CNTNAP2: variants seen among roughly 807,000 people sequenced by gnomAD.
CNTNAP2 encodes the protein contactin-associated protein-like 2.
A neutral mutation model predicts 155.2 loss-of-function variants in CNTNAP2; 98 were observed. That is an observed-to-expected ratio of 0.63 (90% CI 0.54 to 0.75). CNTNAP2 has a LOEUF of 0.75. Among genes scored for constraint, CNTNAP2 ranks in the 30% least tolerant of loss-of-function variants. The probability of loss-of-function intolerance (pLI) is 0.00; values close to 1 mark genes in which losing one functional copy is unlikely to be tolerated. For synonymous variants in CNTNAP2, 651 were observed against 631.2 expected (o/e 1.03, Z -0.47); for missense variants, 1,727 against 1,688.1 (o/e 1.02, Z -0.40).
chr7:146,287,462 CAT>C (rs1351823975), intron 1 of CNTNAP2, among the ~76,000 whole-genome samples: 2 of 152,160 alleles, frequency 1.3e-5, no homozygotes, highest in African/African-American at 2.4e-5. Context: ...GTTTTGAAGA[CAT>C]ATTATGATTT....
At chr7:147,150,748 C>G (rs144410699) in intron 8 of CNTNAP2, among the ~76,000 whole-genome samples, 284 of 152,236 alleles carry the variant, frequency 1.9e-3, no homozygotes, top group African/African-American at 6.5e-3. Flanking sequence ...TATGAGAAAT[C>G]TGCTCAAAAT....
intron 1 of CNTNAP2, among the ~76,000 whole-genome samples, chr7:146,500,277 T>C (rs1347254889): frequency 6.6e-6 from 1 of 152,186 alleles, no homozygotes; most frequent in Non-Finnish European, 1.5e-5. Context: ...GAAAGCCAAT[T>C]ACTGAGATGA....
At chr7:148,165,231 T>C (rs955118871) in intron 17 of CNTNAP2, among the ~76,000 whole-genome samples, 10 of 152,212 alleles carry the variant, frequency 6.6e-5, no homozygotes, top group African/African-American at 2.2e-4. Context: ...CTTCACTTGA[T>C]CTTTTCTCTG....
chr7:147,608,608 T>C (rs1398065027), intron 12 of CNTNAP2, among the ~76,000 whole-genome samples: 1 of 152,138 alleles, frequency 6.6e-6, no homozygotes, highest in Non-Finnish European at 1.5e-5. Flanking sequence ...GGCCATCAAC[T>C]ACATTTCAAA....
At chr7:146,685,907 A>G (rs1372262607) in intron 1 of CNTNAP2, among the ~76,000 whole-genome samples, 1 of 152,182 alleles carries the variant, frequency 6.6e-6, no homozygotes, top group African/African-American at 2.4e-5. Flanking sequence ...TTATGTGTTC[A>G]ATGGTAGTAT....
intron 1 of CNTNAP2, among the ~76,000 whole-genome samples, chr7:146,183,697 C>T (rs916704032): frequency 4.6e-5 from 7 of 151,830 alleles, no homozygotes. Context: ...GCACAAAGTC[C>T]CAAATTTATA....
Position 147,709,898 on chromosome 7 carries a change from T to C in CNTNAP2, c.2098+70592T>C, listed in dbSNP as rs201467718. ...ATTTTAGTTGCTTATTTTTTTCTTT[T>C]GCTCCTTTATGTCCAACTAGTTACT... On this transcript the variant is annotated intron_variant, in intron 13 of 23. Coordinates refer to ENST00000361727, the MANE Select transcript of CNTNAP2 (RefSeq NM_014141.6). Among the ~76,000 whole-genome samples, 12 of 152,302 alleles carry C rather than the reference T, an allele frequency of 7.9e-5. No homozygotes were observed. The East Asian group carries it at 2.3e-3, about 29-fold the overall frequency.
chr7:147,025,637 T>C (rs952263266), intron 3 of CNTNAP2, among the ~76,000 whole-genome samples: 1 of 151,768 alleles, frequency 6.6e-6, no homozygotes, highest in Non-Finnish European at 1.5e-5. Context: ...GGGATACATA[T>C]CCAAACTGTA....
chr7:147,710,184 T>C (rs768694654), intron 13 of CNTNAP2, among the ~76,000 whole-genome samples: 31 of 152,296 alleles, frequency 2.0e-4, no homozygotes, highest in Non-Finnish European at 3.7e-4. Context: ...TCCTGTAAAT[T>C]ACATTTACAA....
chr7:148,169,784 AC>A (rs1263237562), intron 17 of CNTNAP2, among the ~76,000 whole-genome samples: 2 of 152,084 alleles, frequency 1.3e-5, no homozygotes, highest in African/African-American at 2.4e-5. Context: ...ACATGGTGAA[AC>A]CCCATCTCTA....
chr7:146,825,646 G>A (rs932085282), intron 2 of CNTNAP2, among the ~76,000 whole-genome samples: 10 of 152,104 alleles, frequency 6.6e-5, no homozygotes, highest in Non-Finnish European at 1.2e-4. Flanking sequence ...GAGACCAAGT[G>A]TACAAATATG....
intron 1 of CNTNAP2, among the ~76,000 whole-genome samples, chr7:146,294,276 C>G (rs896427556): frequency 3.3e-5 from 5 of 152,112 alleles, no homozygotes; most frequent in African/African-American, 1.2e-4. Flanking sequence ...TGCCCAGAAC[C>G]CAGAAATTCA....
At chr7:147,836,285 A>C (rs540431804) in intron 13 of CNTNAP2, among the ~76,000 whole-genome samples, 1 of 152,150 alleles carries the variant, frequency 6.6e-6, no homozygotes, top group Non-Finnish European at 1.5e-5. Flanking sequence ...CTCTGTCAAC[A>C]TTTAATATTA....
At chr7:147,377,815 C>A (rs1796463648) in intron 9 of CNTNAP2, among the ~76,000 whole-genome samples, 1 of 151,658 alleles carries the variant, frequency 6.6e-6, no homozygotes, top group Non-Finnish European at 1.5e-5. Flanking sequence ...CTTAGGGATA[C>A]TCTCTCTTTT....
At chr7:148,115,356 C>G (rs887287858) in intron 15 of CNTNAP2, among the ~76,000 whole-genome samples, 1 of 152,176 alleles carries the variant, frequency 6.6e-6, no homozygotes, top group Non-Finnish European at 1.5e-5. Flanking sequence ...TACATCACCA[C>G]CTCAGAAAAT....
intron 9 of CNTNAP2, among the ~76,000 whole-genome samples, chr7:147,313,339 T>A (rs1005563771): frequency 6.6e-6 from 1 of 150,708 alleles, no homozygotes; most frequent in Non-Finnish European, 1.5e-5. Context: ...TCCTTGCCCA[T>A]GCCTATGTCC....
intron 15 of CNTNAP2, among the ~76,000 whole-genome samples, chr7:148,104,208 T>C (rs4329197): frequency 0.16 from 24,865 of 152,166 alleles, 5,604 homozygotes; most frequent in African/African-American, 0.51. Context: ...AGGAAAATCA[T>C]GGTTCTATTA....
At chr7:146,846,510 C>G (rs1435568787) in intron 3 of CNTNAP2, among the ~76,000 whole-genome samples, 2 of 152,036 alleles carry the variant, frequency 1.3e-5, no homozygotes, top group Non-Finnish European at 2.9e-5. Context: ...TTTAAAGTCT[C>G]ATGAATTTTA....
At chr7:148,170,576 T>C (rs935962095) in intron 17 of CNTNAP2, among the ~76,000 whole-genome samples, 3 of 152,226 alleles carry the variant, frequency 2.0e-5, no homozygotes, top group African/African-American at 7.2e-5. Flanking sequence ...AAAAAGGCAC[T>C]GGACTCTCTT....
Sources: allele counts gnomAD v4.1 joint callset (sites outside exome capture counted in the v4.1 genomes callset), GRCh38; gene constraint gnomAD v4.1.1; transcripts MANE v1.5; gene names NCBI Gene and HGNC (gene_info 2026-07-23, HGNC 2026-07-21).